The following ADK variants were observed in gnomAD, a reference collection of about 807,000 sequenced individuals.
ADK encodes adenosine kinase, also known as N6,N6-dimethyladenosine kinase.
ADK carries 24 observed loss-of-function variants against 44.7 expected under a neutral mutation model. The ratio of observed to expected loss-of-function variants is 0.54; its 90% CI spans 0.39 to 0.76. ADK has a LOEUF of 0.76. ADK is among the 30% of genes least tolerant of loss of function. The pLI, the probability that ADK is intolerant of heterozygous loss-of-function variation, is 0.00. For synonymous variants in ADK, 128 were observed against 142.6 expected (o/e 0.90, Z 0.73); for missense variants, 321 against 425.1 (o/e 0.76, Z 2.15).
At chr10:74,318,545 C>CT (rs1195102810) in intron 4 of ADK, among the ~76,000 whole-genome samples, 2 of 152,128 alleles carry the variant, frequency 1.3e-5, no homozygotes, top group Admixed American at 6.6e-5. Context: ...TTAAATAAAA[C>CT]TTTTTTTCAG....
chr10:74,687,298 G>T (rs920131801), intron 10 of ADK, among the ~76,000 whole-genome samples: 19 of 152,120 alleles, frequency 1.2e-4, no homozygotes, highest in Admixed American at 4.6e-4. Context: ...GCTGCATTAC[G>T]TGTCTGCGTC....
intron 6 of ADK, among the ~76,000 whole-genome samples, chr10:74,442,505 G>A (rs1242534790): frequency 3.3e-5 from 5 of 152,106 alleles, no homozygotes; most frequent in Admixed American, 6.6e-5. Context: ...AATTAGCTGG[G>A]CGTGGTAGCA....
chr10:74,373,491 A>G (rs936936858), intron 4 of ADK, among the ~76,000 whole-genome samples: 1 of 152,184 alleles, frequency 6.6e-6, no homozygotes, highest in Non-Finnish European at 1.5e-5. Flanking sequence ...AACTCACTTT[A>G]AAAAATGGGC....
intron 1 of ADK, among the ~76,000 whole-genome samples, chr10:74,157,114 T>A (rs1476746201): frequency 1.3e-5 from 2 of 152,204 alleles, no homozygotes; most frequent in Non-Finnish European, 2.9e-5. Flanking sequence ...CAGAAGTGGC[T>A]GAGCTGCCAG....
chr10:74,376,797 A>G (rs1446579948), intron 4 of ADK, among the ~76,000 whole-genome samples: 1 of 132,846 alleles, frequency 7.5e-6, no homozygotes, highest in Admixed American at 7.6e-5. Context: ...TTTTTTTAAT[A>G]CTGTCATTGA....
chr10:74,290,036 A>G lies in ADK; in HGVS notation c.195-24631A>G, dbSNP rs532488579. On this transcript the variant is annotated intron_variant, in intron 3 of 10. Transcript: ENST00000539909. The stretch of plus-strand genomic sequence containing the variant: ...ACCAAACTAGTGCTATGCTAGGTTA[A>G]AAAAAGGAATTTAGGGACTCAAGTC... 2.0e-3 allele frequency among the ~76,000 whole-genome samples: 297 copies of G among 151,890 alleles called. 1 individual carries two copies. Among genetic ancestry groups the G allele is most frequent in the African/African-American group, 7.0e-3 (290 of 41,406 alleles).
chr10:74,490,608 G>GA (rs1847442689), intron 6 of ADK, among the ~76,000 whole-genome samples: 1 of 152,000 alleles, frequency 6.6e-6, no homozygotes, highest in African/African-American at 2.4e-5. Context: ...GTAAATAAGA[G>GA]AAAAAAACTT....
chr10:74,446,982 A>G (rs1845610633), intron 6 of ADK, among the ~76,000 whole-genome samples: 1 of 152,102 alleles, frequency 6.6e-6, no homozygotes, highest in African/African-American at 2.4e-5. Context: ...TTTGTCAAAT[A>G]TATTTTGATA....
At chr10:74,591,226 A>T (rs1851705189) in intron 8 of ADK, among the ~76,000 whole-genome samples, 1 of 152,094 alleles carries the variant, frequency 6.6e-6, no homozygotes, top group South Asian at 2.1e-4. Flanking sequence ...CCTTTCCATT[A>T]GTTCTTACTT....
At chr10:74,229,438 C>T (rs1178415096) in intron 3 of ADK, among the ~76,000 whole-genome samples, 1 of 142,448 alleles carries the variant, frequency 7.0e-6, no homozygotes, top group East Asian at 2.0e-4. Context: ...CGCTCTGTCG[C>T]CCAGGCTGGA....
At chr10:74,250,804 A>G in intron 3 of ADK, among the ~76,000 whole-genome samples, 1 of 152,182 alleles carries the variant, frequency 6.6e-6, no homozygotes, top group Non-Finnish European at 1.5e-5. Flanking sequence ...TTTTTGAGAC[A>G]GGGTCTTGCT....
At chr10:74,589,729 A>G (rs1167915559) in intron 8 of ADK, among the ~76,000 whole-genome samples, 2 of 152,154 alleles carry the variant, frequency 1.3e-5, no homozygotes, top group Non-Finnish European at 2.9e-5. Context: ...CGTTTAAATA[A>G]TTTCAGCCCT....
chr10:74,262,031 CTCATGG>C (rs1229537886), intron 3 of ADK, among the ~76,000 whole-genome samples: 1 of 152,076 alleles, frequency 6.6e-6, no homozygotes, highest in African/African-American at 2.4e-5. Flanking sequence ...ACAAAAAACA[CTCATGG>C]GCCGGGTGTG....
At chr10:74,262,981 G>T (rs180870314) in intron 3 of ADK, among the ~76,000 whole-genome samples, 17 of 152,196 alleles carry the variant, frequency 1.1e-4, no homozygotes, top group African/African-American at 3.9e-4. Flanking sequence ...TTCAATTGTT[G>T]CAAAACATAA....
chr10:74,516,851 T>C (rs1248832894), intron 6 of ADK: 1 of 159,618 alleles, frequency 6.3e-6, no homozygotes, highest in Non-Finnish European at 1.3e-5. Flanking sequence ...CTCTGCATAG[T>C]AGTGTGTGTA....
chr10:74,288,470 C>T (rs950191073), intron 3 of ADK, among the ~76,000 whole-genome samples: 3 of 151,952 alleles, frequency 2.0e-5, no homozygotes, highest in South Asian at 2.1e-4. Flanking sequence ...GCCAACATAG[C>T]GAAACCCCAT....
At chr10:74,211,529 G>T (rs1342302818) in intron 2 of ADK, among the ~76,000 whole-genome samples, 1 of 152,066 alleles carries the variant, frequency 6.6e-6, no homozygotes, top group African/African-American at 2.4e-5. Flanking sequence ...AATTCTAAAA[G>T]TAAATGCTTT....
At position 74,297,908 on chromosome 10, in the gene ADK, A is replaced by G. The variant is rs1411073004; in HGVS notation, c.195-16759A>G. 2.6e-5 allele frequency among the ~76,000 whole-genome samples: 4 copies of G among 152,116 alleles called. No individual in the cohort carries two copies. In the East Asian group the frequency reaches 7.7e-4, roughly 29 times the overall value. On this transcript the variant is annotated intron_variant, in intron 3 of 10. Coordinates refer to ENST00000539909, the MANE Select transcript of ADK (RefSeq NM_006721.4). ...GCTTCACACTGCTGCTTGGCATACTACACATCTCAGTAATGCAGTTATAAT... is the reference window on the plus strand; with the variant it reads ...GCTTCACACTGCTGCTTGGCATACTGCACATCTCAGTAATGCAGTTATAAT...
chr10:74,202,708 A>G (rs1208828747), intron 2 of ADK, among the ~76,000 whole-genome samples: 1 of 152,192 alleles, frequency 6.6e-6, no homozygotes, highest in Admixed American at 6.5e-5. Context: ...TTTTCTATTG[A>G]AAACTTTTGA....
Sources: gnomAD v4.1 joint callset for allele counts (sites outside exome capture counted in the v4.1 genomes callset) on GRCh38, gnomAD v4.1.1 for gene constraint, MANE v1.5 for transcripts, NCBI Gene and HGNC (gene_info 2026-07-23, HGNC 2026-07-21) for gene names.